SLC28A1: variants seen among roughly 807,000 people sequenced by gnomAD.
The protein encoded by SLC28A1 is sodium/nucleoside cotransporter 1.
SLC28A1 carries 64 observed loss-of-function variants against 74.8 expected under a neutral mutation model. The ratio of observed to expected loss-of-function variants is 0.86; its 90% CI spans 0.70 to 1.05. The LOEUF is 1.05. SLC28A1 is among the 50% of genes least tolerant of loss of function. SLC28A1 has a pLI of 0.00. For missense variants in SLC28A1, 828 were observed against 822.8 expected, an observed-to-expected ratio of 1.01 and a Z score of -0.08; for synonymous variants, 359 against 335.0, an observed-to-expected ratio of 1.07 and a Z score of -0.78.
intron 8 of SLC28A1, 61 bp from the exon 9 acceptor site, chr15:84,908,657 C>G: frequency 6.4e-6 from 9 of 1,413,192 alleles, no homozygotes; most frequent in South Asian, 1.2e-5. Context: ...GCCGCTGCTT[C>G]CTCCCTCCTC....
chr15:84,942,392 AT>A (rs1400766075), intron 15 of SLC28A1, among the ~76,000 whole-genome samples: 2 of 152,170 alleles, frequency 1.3e-5, no homozygotes, highest in African/African-American at 4.8e-5. Flanking sequence ...TATTCTAACT[AT>A]TTTTTTGTAC....
chr15:84,950,064 A>T (rs1463248142), downstream of SLC28A1, among the ~76,000 whole-genome samples: 1 of 152,202 alleles, frequency 6.6e-6, no homozygotes, highest in Admixed American at 6.5e-5. Context: ...TGTCACTGGC[A>T]GGGATGGGGA....
At chr15:84,887,693 G>A (rs981946046) in intron 2 of SLC28A1, 52 bp from the exon 3 acceptor site, 2 of 1,591,936 alleles carry the variant, frequency 1.3e-6, no homozygotes, top group Non-Finnish European at 1.7e-6. Context: ...CCTAAACTGG[G>A]CCCTGCCCGG....
chr15:84,888,376 C>T (rs111578095), intron 3 of SLC28A1, among the ~76,000 whole-genome samples: 10 of 152,032 alleles, frequency 6.6e-5, no homozygotes, highest in South Asian at 2.1e-4. Context: ...GCTCCTTTCA[C>T]GCTGTCATAT....
Position 84,912,133 on chromosome 15 carries a change from C to T in SLC28A1, c.795+3338C>T, listed in dbSNP as rs141801555. Among the ~76,000 whole-genome samples the T allele has an allele frequency of 6.9e-3, 1,047 of 152,254 alleles. 8 individuals carry two copies. Among genetic ancestry groups the T allele is most frequent in the Non-Finnish European group, 0.01 (681 of 68,026 alleles). ...GAGGACTAGGATAAATGCTCTGTGG[C>T]CACAGAATTCTCTTTCTCACTAATC... On this transcript the variant is annotated intron_variant, in intron 9 of 18. Transcript: ENST00000394573.
At chr15:84,952,816 G>T in the SLC28A1 span, among the ~76,000 whole-genome samples, 1 of 152,072 alleles carries the variant, frequency 6.6e-6, no homozygotes, top group African/African-American at 2.4e-5. Flanking sequence ...CTGTGATCGT[G>T]CCACTGCACT....
Position 84,929,389 on chromosome 15 carries a change from C to A in SLC28A1, c.1084-3756C>A, listed in dbSNP as rs189878262. ...GAGAAACCCTGTCTCTACAAAAATACAAAAATTAGCCAGGTATGATGTCAG... is the reference window on the plus strand; with the variant it reads ...GAGAAACCCTGTCTCTACAAAAATAAAAAAATTAGCCAGGTATGATGTCAG... On this transcript the variant is annotated intron_variant, in intron 12 of 18. Coordinates refer to ENST00000394573, the MANE Select transcript of SLC28A1 (RefSeq NM_004213.5). Among the ~76,000 whole-genome samples the A allele has an allele frequency of 7.4e-3, 1,128 of 151,802 alleles. 16 individuals carry two copies. Among genetic ancestry groups the A allele is most frequent in the African/African-American group, 0.026 (1,084 of 41,368 alleles).
Position 84,935,118 on chromosome 15 carries a change from T to A in SLC28A1, c.1307T>A (p.Leu436Gln). 6.2e-7 allele frequency: 1 copy of A among 1,614,182 alleles called. No individual in the cohort carries two copies. Among genetic ancestry groups the A allele is most frequent in the Non-Finnish European group, 8.5e-7 (1 of 1,180,008 alleles). The change falls in exon 14 of 19, where the codon CTG becomes CAG. Residue 436 changes from leucine to glutamine, a missense_variant. Coordinates refer to ENST00000394573, the MANE Select transcript of SLC28A1 (RefSeq NM_004213.5). Reference protein sequence around the residue: ...ANIAANLIAFLAVLDFINAAL... With the variant: ...ANIAANLIAFQAVLDFINAAL... Reference sequence around the variant, plus strand: ...ATCGCTGCCAACCTGATTGCGTTCCTGGCTGTGCTGGACTTTATCAATGCT... The same window carrying A: ...ATCGCTGCCAACCTGATTGCGTTCCAGGCTGTGCTGGACTTTATCAATGCT...
intron 9 of SLC28A1, among the ~76,000 whole-genome samples, chr15:84,912,797 T>TGCGC (rs148740007): frequency 0.19 from 22,432 of 117,742 alleles, 2,275 homozygotes; most frequent in Non-Finnish European, 0.23. Context: ...TGCCAAATTT[T>TGCGC]GCGCGCGCGC....
chr15:84,901,530 AC>A (rs1399349429), intron 6 of SLC28A1, among the ~76,000 whole-genome samples: 4 of 132,898 alleles, frequency 3.0e-5, no homozygotes, highest in South Asian at 6.3e-4. Flanking sequence ...AAACAAACAA[AC>A]AAACAAAAAA....
At chr15:84,970,719 C>T in the SLC28A1 span, among the ~76,000 whole-genome samples, 193 of 152,052 alleles carry the variant, frequency 1.3e-3, 1 homozygote, top group African/African-American at 4.5e-3. Context: ...TCTTAAGGGT[C>T]GGGCACAATG....
At chr15:84,897,786 CCCT>C (rs1966164626) in intron 6 of SLC28A1, among the ~76,000 whole-genome samples, 1 of 152,204 alleles carries the variant, frequency 6.6e-6, no homozygotes, top group Non-Finnish European at 1.5e-5. Context: ...CATCCCGCCT[CCCT>C]CCTCCCCTTC....
intron 12 of SLC28A1, among the ~76,000 whole-genome samples, chr15:84,924,914 G>T (rs11633325): frequency 0.34 from 47,279 of 139,514 alleles, 8,325 homozygotes; most frequent in South Asian, 0.53. Context: ...TTGTTTGTTT[G>T]TTTTTGAGAC....
At chr15:84,967,209 C>T in the SLC28A1 span, among the ~76,000 whole-genome samples, 204 of 152,276 alleles carry the variant, frequency 1.3e-3, no homozygotes, top group African/African-American at 2.2e-3. Flanking sequence ...CGCTTTGTTA[C>T]GTTGCTACTT....
chr15:84,904,271 G>C (rs948404008), intron 7 of SLC28A1, 33 bp downstream of exon 7: 49 of 1,612,508 alleles, frequency 3.0e-5, no homozygotes, highest in Non-Finnish European at 4.2e-5. Flanking sequence ...AGGGCTGGAA[G>C]TGTTTGCCTC....
the SLC28A1 span, among the ~76,000 whole-genome samples, chr15:84,959,542 T>A: frequency 1.3e-5 from 2 of 152,162 alleles, no homozygotes; most frequent in African/African-American, 4.8e-5. Flanking sequence ...CTTCTCTTAT[T>A]GTTCTTTCTT....
chr15:84,914,562 C>T (rs1009830862), intron 9 of SLC28A1, among the ~76,000 whole-genome samples: 1 of 152,138 alleles, frequency 6.6e-6, no homozygotes, highest in African/African-American at 2.4e-5. Context: ...TCACAGCCTC[C>T]GTGTGCCCAT....
Position 84,897,087 on chromosome 15 carries a change from A to G in SLC28A1, c.461+1964A>G, listed in dbSNP as rs182982129. Among the ~76,000 whole-genome samples the G allele has an allele frequency of 3.6e-3, 551 of 151,776 alleles. 2 individuals are homozygous for G. The highest frequency in any genetic ancestry group is 0.013 in the African/African-American group (529 of 41,360). On this transcript the variant is annotated intron_variant, in intron 6 of 18. Transcript: ENST00000394573. ...ACTATACTAAAAACCATTAAACCAT[A>G]CACTTTTGGCCAGGCACGGTGGCTC...
At chr15:84,888,932 C>A in intron 4 of SLC28A1, 72 bp downstream of exon 4, 1 of 1,105,230 alleles carries the variant, frequency 9.0e-7, no homozygotes, top group Non-Finnish European at 1.3e-6. Flanking sequence ...GGGAGCCGGG[C>A]CTCCTGGCGG....
Sources: gnomAD v4.1 joint callset for allele counts (sites outside exome capture counted in the v4.1 genomes callset) on GRCh38, gnomAD v4.1.1 for gene constraint, MANE v1.5 for transcripts, NCBI Gene and HGNC (gene_info 2026-07-23, HGNC 2026-07-21) for gene names.